The following SVEP1 variants were observed in gnomAD, a reference collection of about 807,000 sequenced individuals.
The protein encoded by SVEP1 is sushi, von Willebrand factor type A, EGF and pentraxin domain containing 1, also known as sushi, von Willebrand factor type A, EGF and pentraxin domain-containing protein 1.
SVEP1 carries 164 observed loss-of-function variants against 367.3 expected under a neutral mutation model. The ratio of observed to expected loss-of-function variants is 0.45; its 90% CI spans 0.39 to 0.51. The LOEUF is 0.51. Ranked by LOEUF, SVEP1 falls within the 20% of genes least tolerant of loss-of-function variation. SVEP1 has a pLI of 0.00. For missense variants in SVEP1, 4,117 were observed against 4,425.3 expected (o/e 0.93, Z 1.98); for synonymous variants, 1,666 against 1,611.6 (o/e 1.03, Z -0.81).
intron 44 of SVEP1, among the ~76,000 whole-genome samples, chr9:110,378,659 A>G (rs576347907): frequency 1.3e-5 from 2 of 148,878 alleles, no homozygotes; most frequent in South Asian, 4.3e-4. Flanking sequence ...TGTTTTAGAC[A>G]TGAAGTCCTT....
chr9:110,464,822 CCAA>C (rs1173836029), intron 18 of SVEP1, among the ~76,000 whole-genome samples: 3 of 152,140 alleles, frequency 2.0e-5, no homozygotes, highest in South Asian at 2.1e-4. Flanking sequence ...CAGAGGTAGG[CCAA>C]CAACAACCTT....
At chr9:110,469,184 A>G (rs1254799830) in intron 16 of SVEP1, 83 bp from the exon 17 acceptor site, 13 of 1,389,770 alleles carry the variant, frequency 9.4e-6, no homozygotes, top group Non-Finnish European at 1.2e-5. Flanking sequence ...ACATGAAAGT[A>G]ATAAAGCATG....
rs183486026 is a variant in SVEP1 at position 110,445,282 on chromosome 9, C to T, written c.4463+555G>A. Among the ~76,000 whole-genome samples the T allele has an allele frequency of 1.2e-4, 19 of 152,270 alleles. No individual in the cohort carries two copies. The East Asian group carries it at 3.3e-3, about 26-fold the overall frequency. ...AGACTCTGGGTACAACTAAGGTTGGCTCTCCTGACAACCCATGGCGATGGG... is the reference window on the plus strand; with the variant it reads ...AGACTCTGGGTACAACTAAGGTTGGTTCTCCTGACAACCCATGGCGATGGG... On this transcript the variant is annotated intron_variant, in intron 26 of 47. Transcript: ENST00000374469.
intron 24 of SVEP1, among the ~76,000 whole-genome samples, chr9:110,448,888 T>C (rs1828647525): frequency 6.6e-6 from 1 of 152,224 alleles, no homozygotes; most frequent in South Asian, 2.1e-4. Flanking sequence ...TGCCTTCTTA[T>C]TTCTTCTGGA....
At chr9:110,535,685 G>A (rs1396503393) in intron 3 of SVEP1, among the ~76,000 whole-genome samples, 4 of 152,112 alleles carry the variant, frequency 2.6e-5, no homozygotes, top group African/African-American at 9.6e-5. Context: ...TGATTTCTTT[G>A]AGCAGTGTGT....
chr9:110,548,626 A>C (rs1830247778), intron 2 of SVEP1, among the ~76,000 whole-genome samples: 1 of 152,190 alleles, frequency 6.6e-6, no homozygotes, highest in Non-Finnish European at 1.5e-5. Context: ...GACATTCTGG[A>C]TTTTTAAGGC....
At chr9:110,396,298 A>G (rs1407151675) in intron 40 of SVEP1, among the ~76,000 whole-genome samples, 2 of 151,998 alleles carry the variant, frequency 1.3e-5, no homozygotes, top group Non-Finnish European at 2.9e-5. Context: ...CTTTGAAACC[A>G]ATGAGAACAA....
intron 1 of SVEP1, among the ~76,000 whole-genome samples, chr9:110,571,566 C>T (rs1830563052): frequency 6.6e-6 from 1 of 152,130 alleles, no homozygotes. Context: ...TGTCATTTTC[C>T]CTCTGAATTT....
At chr9:110,569,456 C>CA (rs11368565) in intron 1 of SVEP1, among the ~76,000 whole-genome samples, 16,390 of 116,790 alleles carry the variant, frequency 0.14, 1,202 homozygotes, top group East Asian at 0.32. Flanking sequence ...AACTCAGTCT[C>CA]AAAAAAAAAA....
chr9:110,543,880 G>A (rs371790111), intron 3 of SVEP1, among the ~76,000 whole-genome samples: 1 of 152,234 alleles, frequency 6.6e-6, no homozygotes, highest in South Asian at 2.1e-4. Flanking sequence ...AAAACAAGGG[G>A]AGGCACTTTG....
At chr9:110,482,559 C>T (rs1222007279) in intron 10 of SVEP1, 67 bp from the exon 11 acceptor site, 21 of 1,525,260 alleles carry the variant, frequency 1.4e-5, no homozygotes, top group East Asian at 2.5e-5. Flanking sequence ...AACAGTCTTA[C>T]TCTGTTGCCC....
At position 110,414,855 on chromosome 9, in the gene SVEP1, T is replaced by C. The variant is rs1483988215; in HGVS notation, c.5976-3120A>G. 3.3e-5 allele frequency among the ~76,000 whole-genome samples: 5 copies of C among 152,020 alleles called. No homozygotes were observed. The East Asian group carries it at 9.6e-4, about 29-fold the overall frequency. ...ATAAATCAGCATCAATAATTATGTT[T>C]TCAATCATAAAGATTTTTGTCTGAA... On this transcript the variant is annotated intron_variant, in intron 36 of 47. Transcript: ENST00000374469.
In SVEP1 at chr9:110,424,227, A is replaced by T. The variant is rs373708094; in HGVS notation, c.5975+3364T>A. On this transcript the variant is annotated intron_variant, in intron 36 of 47. Coordinates refer to ENST00000374469, the MANE Select transcript of SVEP1 (RefSeq NM_153366.4). Reference sequence around the variant, plus strand: ...TACTTCAGCACTTGTATTCAAACGAAGTAAATAAATTAACCCTCTACCAGT... The same window carrying T: ...TACTTCAGCACTTGTATTCAAACGATGTAAATAAATTAACCCTCTACCAGT... Among the ~76,000 whole-genome samples the T allele has an allele frequency of 1.3e-3, 205 of 152,370 alleles. 1 individual carries two copies. Among genetic ancestry groups the T allele is most frequent in the African/African-American group, 4.5e-3 (186 of 41,580 alleles).
chr9:110,442,595 G>T (rs1292385017), intron 27 of SVEP1: 1 of 151,824 alleles, frequency 6.6e-6, no homozygotes, highest in African/African-American at 2.4e-5. Context: ...TGAGTAGCTG[G>T]AATTACAGGC....
At chr9:110,542,963 A>AT (rs1554722330) in intron 3 of SVEP1, among the ~76,000 whole-genome samples, 28,304 of 71,744 alleles carry the variant, frequency 0.39, 3,132 homozygotes, top group East Asian at 0.47. Flanking sequence ...TTAAAGTATA[A>AT]TTAAAAAAAA....
intron 1 of SVEP1, among the ~76,000 whole-genome samples, chr9:110,560,435 T>C (rs1221570887): frequency 6.6e-6 from 1 of 152,236 alleles, no homozygotes; most frequent in Non-Finnish European, 1.5e-5. Context: ...TTTCATTTAC[T>C]TCTATGTTAT....
chr9:110,521,784 A>AT (rs576934321), intron 3 of SVEP1, among the ~76,000 whole-genome samples: 177 of 152,260 alleles, frequency 1.2e-3, no homozygotes, highest in Admixed American at 2.9e-3. Flanking sequence ...CCCTCTGGAG[A>AT]TTTTTTAGAA....
chr9:110,387,899 T>C lies in SVEP1; in HGVS notation c.9887-441A>G, dbSNP rs545776420. Among the ~76,000 whole-genome samples, 13 of 152,338 alleles carry C rather than the reference T, an allele frequency of 8.5e-5. No individual in the cohort carries two copies. In the East Asian group the frequency reaches 2.1e-3, roughly 25 times the overall value. The stretch of plus-strand genomic sequence containing the variant: ...ATAAATAACAAATACATTTTTAGTA[T>C]AAGCGTGTCTCCGATATTGCATATT... On this transcript the variant is annotated intron_variant, in intron 41 of 47. Coordinates refer to ENST00000374469, the MANE Select transcript of SVEP1 (RefSeq NM_153366.4).
intron 22 of SVEP1, among the ~76,000 whole-genome samples, chr9:110,454,863 T>C (rs981008429): frequency 2.0e-5 from 3 of 152,174 alleles, no homozygotes; most frequent in African/African-American, 7.2e-5. Flanking sequence ...CTATTCTCAC[T>C]ACCTGGGTGA....
Sources: allele counts gnomAD v4.1 joint callset (sites outside exome capture counted in the v4.1 genomes callset), GRCh38; gene constraint gnomAD v4.1.1; transcripts MANE v1.5; gene names NCBI Gene and HGNC (gene_info 2026-07-23, HGNC 2026-07-21).